Variants in TXNDC16 observed in about 807,000 individuals in gnomAD.
The protein encoded by TXNDC16 is thioredoxin domain containing 16.
In TXNDC16, 74 loss-of-function variants were observed where a neutral mutation model predicts 85.6. The ratio of observed to expected loss-of-function variants is 0.86; its 90% CI spans 0.72 to 1.05. The LOEUF (loss-of-function observed/expected upper bound fraction) is 1.05. Among genes scored for constraint, TXNDC16 ranks in the 50% least tolerant of loss-of-function variants. TXNDC16 has a pLI of 0.00. For synonymous variants in TXNDC16, 335 were observed against 326.5 expected, an observed-to-expected ratio of 1.03 and a Z score of -0.28; for missense variants, 959 against 947.0, an observed-to-expected ratio of 1.01 and a Z score of -0.17.
At chr14:52,528,623 G>C (rs543644327) in intron 6 of TXNDC16, among the ~76,000 whole-genome samples, 1 of 151,016 alleles carries the variant, frequency 6.6e-6, no homozygotes, top group South Asian at 2.1e-4. Context: ...TTAGAAAAAA[G>C]ACAAGAATAT....
intron 20 of TXNDC16, 95 bp downstream of exon 20, chr14:52,439,109 A>G: frequency 7.8e-7 from 1 of 1,287,798 alleles, no homozygotes; most frequent in Non-Finnish European, 1.1e-6. Context: ...CAGCATTTTA[A>G]TAACTCATCC....
chr14:52,459,809 CA>C (rs2035613446), intron 16 of TXNDC16, among the ~76,000 whole-genome samples: 1 of 152,068 alleles, frequency 6.6e-6, no homozygotes, highest in South Asian at 2.1e-4. Flanking sequence ...GAACTAAAGA[CA>C]AAAATCACAT....
chr14:52,465,445 A>G (rs967035773), intron 16 of TXNDC16, among the ~76,000 whole-genome samples: 1 of 152,030 alleles, frequency 6.6e-6, no homozygotes, highest in African/African-American at 2.4e-5. Context: ...ACAAAGAGTC[A>G]GCCGGGCTTG....
rs570281093 is a variant in TXNDC16 at position 52,436,394 on chromosome 14, G to A, written c.2194+2810C>T. Among the ~76,000 whole-genome samples the A allele has an allele frequency of 2.6e-5, 4 of 152,268 alleles. No homozygotes were observed. In the South Asian group the frequency reaches 6.2e-4, roughly 24 times the overall value. ...AAATCCATAGAACCATAAAATAGAT[G>A]AGTGGGTGCCAAAGGGTGGATAGAG... On this transcript the variant is annotated intron_variant, in intron 20 of 20. Coordinates refer to ENST00000281741, the MANE Select transcript of TXNDC16 (RefSeq NM_020784.3).
intron 14 of TXNDC16, among the ~76,000 whole-genome samples, chr14:52,471,914 G>A (rs538661286): frequency 4.0e-5 from 6 of 149,440 alleles, no homozygotes; most frequent in East Asian, 2.0e-4. Flanking sequence ...CATACAACTC[G>A]AAAGAATAAA....
chr14:52,486,305 A>G (rs1386293170), intron 12 of TXNDC16, among the ~76,000 whole-genome samples: 1 of 127,396 alleles, frequency 7.8e-6, no homozygotes, highest in East Asian at 2.2e-4. Flanking sequence ...TTTTTTTGAG[A>G]CAGGGTCTCA....
At chr14:52,546,253 T>G (rs547325582) in intron 1 of TXNDC16, among the ~76,000 whole-genome samples, 27 of 152,150 alleles carry the variant, frequency 1.8e-4, no homozygotes, top group African/African-American at 6.5e-4. Flanking sequence ...CCAGCCTGGG[T>G]GAAAGAGGAA....
At chr14:52,549,214 G>A (rs76166016) in intron 1 of TXNDC16, among the ~76,000 whole-genome samples, 2,033 of 152,360 alleles carry the variant, frequency 0.013, 44 homozygotes, top group African/African-American at 0.046. Flanking sequence ...ATGGATCAGA[G>A]TTGACATATA....
intron 9 of TXNDC16, among the ~76,000 whole-genome samples, chr14:52,507,734 G>C (rs574105398): frequency 2.0e-5 from 3 of 152,252 alleles, no homozygotes; most frequent in East Asian, 1.9e-4. Context: ...CAATGGAACA[G>C]AACAGAGCCC....
intron 8 of TXNDC16, among the ~76,000 whole-genome samples, chr14:52,513,582 G>T (rs2037006615): frequency 6.6e-6 from 1 of 151,794 alleles, no homozygotes; most frequent in Admixed American, 6.6e-5. Flanking sequence ...TTTAAAAAAT[G>T]GGAAAAGCAA....
chr14:52,529,354 G>C (rs1218509279), intron 6 of TXNDC16, among the ~76,000 whole-genome samples: 1 of 150,808 alleles, frequency 6.6e-6, no homozygotes, highest in South Asian at 2.1e-4. Context: ...GATAGCATTA[G>C]GAGATATACC....
rs553859161 is a variant in TXNDC16, at chr14:52,442,156, G to A, written c.1843-1432C>T. On this transcript the variant is annotated intron_variant, in intron 18 of 20. Coordinates refer to ENST00000281741, the MANE Select transcript of TXNDC16 (RefSeq NM_020784.3). ...CTGTCAGTAACAAGAATTGGAAAGT[G>A]CAACAACAATGCTAATATATTTAGG... Among the ~76,000 whole-genome samples, 8 of 152,290 alleles carry A rather than the reference G, an allele frequency of 5.3e-5. No homozygotes were observed. In the East Asian group the frequency reaches 9.6e-4, roughly 18 times the overall value.
chr14:52,455,516 C>T, intron 17 of TXNDC16, 54 bp from the exon 18 acceptor site: 1 of 1,603,592 alleles, frequency 6.2e-7, no homozygotes, highest in Middle Eastern at 1.7e-4. Context: ...ATGTCAAAAA[C>T]ATGAAAATCT....
intron 9 of TXNDC16, among the ~76,000 whole-genome samples, chr14:52,498,776 C>G (rs755319138): frequency 6.6e-6 from 1 of 151,758 alleles, no homozygotes; most frequent in African/African-American, 2.4e-5. Flanking sequence ...CAATGCAATC[C>G]CTATTAAAAT....
Position 52,511,272 on chromosome 14 carries a change from G to T in TXNDC16, c.724C>A (p.Leu242Met). The T allele has an allele frequency of 6.3e-7, 1 of 1,590,272 alleles. No homozygotes were observed. Among genetic ancestry groups the T allele is most frequent in the East Asian group, 2.3e-5 (1 of 44,440 alleles). ...EQPLTTLNIH[L>M]FIKTMKAPLL... ...GGTGCTTTCATTGTCTTAATAAACAGGTGAATGTTCAGTGTAGTCAATGGC... is the reference window on the plus strand; with the variant it reads ...GGTGCTTTCATTGTCTTAATAAACATGTGAATGTTCAGTGTAGTCAATGGC... Residue 242 changes from leucine (L) to methionine (M), a missense_variant, in exon 9 of 21, where the codon CTG (leucine) becomes ATG (methionine). By Grantham distance (15) the Leu-to-Met change is conservative. Transcript: ENST00000281741.
intron 9 of TXNDC16, among the ~76,000 whole-genome samples, chr14:52,504,105 G>C (rs1005559269): frequency 6.6e-6 from 1 of 152,218 alleles, no homozygotes; most frequent in Non-Finnish European, 1.5e-5. Flanking sequence ...TGGTATACCT[G>C]AAAGTGAGGG....
intron 18 of TXNDC16, among the ~76,000 whole-genome samples, chr14:52,442,064 T>C (rs1451031464): frequency 6.6e-6 from 1 of 151,982 alleles, no homozygotes; most frequent in East Asian, 1.9e-4. Context: ...AATGAGGGAA[T>C]TGAAAGAAAA....
At chr14:52,446,940 G>A (rs764308022) in intron 18 of TXNDC16, among the ~76,000 whole-genome samples, 4 of 149,932 alleles carry the variant, frequency 2.7e-5, no homozygotes, top group Non-Finnish European at 3.0e-5. Context: ...GTGAGACTCC[G>A]AGACTTGCTG....
At chr14:52,446,630 C>T (rs2035291352) in intron 18 of TXNDC16, among the ~76,000 whole-genome samples, 1 of 152,118 alleles carries the variant, frequency 6.6e-6, no homozygotes, top group Admixed American at 6.5e-5. Context: ...TCCCCTAATC[C>T]CAGGCTGCAC....
Sources: gnomAD v4.1 joint callset for allele counts (sites outside exome capture counted in the v4.1 genomes callset) on GRCh38, gnomAD v4.1.1 for gene constraint, MANE v1.5 for transcripts, NCBI Gene and HGNC (gene_info 2026-07-23, HGNC 2026-07-21) for gene names.